CACNA2D3: variants seen among roughly 807,000 people sequenced by gnomAD.
CACNA2D3 encodes the protein calcium voltage-gated channel auxiliary subunit alpha2delta 3.
CACNA2D3 carries 60 observed loss-of-function variants against 160.6 expected under a neutral mutation model. The observed-to-expected ratio is 0.37, with a 90% CI of 0.30 to 0.46. CACNA2D3 has a LOEUF of 0.46. Among genes scored for constraint, CACNA2D3 ranks in the 20% least tolerant of loss-of-function variants. The probability of loss-of-function intolerance (pLI) is 1.00; values close to 1 mark genes in which losing one functional copy is unlikely to be tolerated. For missense variants in CACNA2D3, 1,205 were observed against 1,365.0 expected, an observed-to-expected ratio of 0.88 and a Z score of 1.85; for synonymous variants, 558 against 492.9, an observed-to-expected ratio of 1.13 and a Z score of -1.75.
intron 8 of CACNA2D3, among the ~76,000 whole-genome samples, chr3:54,573,381 A>C (rs1702530838): frequency 6.6e-6 from 1 of 152,244 alleles, no homozygotes; most frequent in African/African-American, 2.4e-5. Context: ...GTATGTAATA[A>C]TTTTAAGCAA....
At chr3:54,830,731 C>T (rs1703857339) in intron 14 of CACNA2D3, among the ~76,000 whole-genome samples, 4 of 152,108 alleles carry the variant, frequency 2.6e-5, no homozygotes, top group Admixed American at 2.6e-4. Flanking sequence ...GGCCACTTGG[C>T]CTCCCAAAGT....
chr3:54,739,749 ATATGTGTGTGTGTG>A (rs1183328062), intron 11 of CACNA2D3, among the ~76,000 whole-genome samples: 5 of 80,726 alleles, frequency 6.2e-5, no homozygotes, highest in Admixed American at 3.1e-4. Flanking sequence ...TTCTCCTCAT[ATATGTGTGTGTGTG>A]TGTGTGTGTG....
chr3:54,267,515 C>T (rs1216169089), intron 2 of CACNA2D3, among the ~76,000 whole-genome samples: 2 of 152,098 alleles, frequency 1.3e-5, no homozygotes, highest in Non-Finnish European at 2.9e-5. Context: ...TAGTAGATAC[C>T]CAGTACTTCA....
chr3:54,562,352 G>C (rs796988552), intron 5 of CACNA2D3, among the ~76,000 whole-genome samples: 2 of 152,164 alleles, frequency 1.3e-5, no homozygotes, highest in Non-Finnish European at 1.5e-5. Context: ...TCAGGGACAA[G>C]AGAAATGGAA....
intron 2 of CACNA2D3, among the ~76,000 whole-genome samples, chr3:54,285,617 T>A (rs1166987863): frequency 6.6e-6 from 1 of 152,162 alleles, no homozygotes; most frequent in Non-Finnish European, 1.5e-5. Flanking sequence ...GATCTGAGAA[T>A]GGACAGACTG....
chr3:54,478,835 A>G (rs1700885903), intron 4 of CACNA2D3, among the ~76,000 whole-genome samples: 1 of 150,392 alleles, frequency 6.6e-6, no homozygotes, highest in Admixed American at 6.6e-5. Context: ...ATGTTCAGAT[A>G]ACCCTTATTT....
intron 9 of CACNA2D3, among the ~76,000 whole-genome samples, chr3:54,602,133 T>C (rs1575374212): frequency 6.6e-6 from 1 of 152,178 alleles, no homozygotes; most frequent in Non-Finnish European, 1.5e-5. Flanking sequence ...ACTGGCTACA[T>C]AATTTTCAAG....
chr3:54,350,348 A>T (rs1022237980), intron 3 of CACNA2D3, among the ~76,000 whole-genome samples: 6 of 151,160 alleles, frequency 4.0e-5, no homozygotes, highest in Non-Finnish European at 7.4e-5. Flanking sequence ...TCACTTTTTC[A>T]TTTTTTTTTA....
intron 9 of CACNA2D3, among the ~76,000 whole-genome samples, chr3:54,615,836 T>C (rs2359857): frequency 0.28 from 41,905 of 151,872 alleles, 6,419 homozygotes; most frequent in African/African-American, 0.4. Context: ...AAGTAGCGGG[T>C]GAGTGAGCAA....
chr3:54,706,653 A>G (rs1165838095), intron 11 of CACNA2D3, among the ~76,000 whole-genome samples: 3 of 152,148 alleles, frequency 2.0e-5, no homozygotes, highest in Non-Finnish European at 2.9e-5. Flanking sequence ...TCTCTTCAAA[A>G]ATGATCTTGT....
intron 17 of CACNA2D3, among the ~76,000 whole-genome samples, chr3:54,846,775 A>C (rs1188885570): frequency 6.6e-6 from 1 of 152,236 alleles, no homozygotes; most frequent in African/African-American, 2.4e-5. Flanking sequence ...CATGAAACCT[A>C]TCATAACGGG....
chr3:54,350,243 T>C (rs1698529016), intron 3 of CACNA2D3, among the ~76,000 whole-genome samples: 1 of 152,250 alleles, frequency 6.6e-6, no homozygotes, highest in African/African-American at 2.4e-5. Context: ...TGCTGAGAAC[T>C]CCAAATGGGT....
chr3:54,739,454 C>CCACACA lies in CACNA2D3; in HGVS notation c.1168-13132_1168-13127dup, dbSNP rs371963374. ...AAAAAAAAAAAAACAAAAAAAAAAACCACACACACACACACACAAACAAAA... is the reference window on the plus strand; with the variant it reads ...AAAAAAAAAAAAACAAAAAAAAAAACCACACACACACACACACACACACAAACAAAA... On this transcript the variant is annotated intron_variant, in intron 11 of 37. Coordinates refer to ENST00000474759, the MANE Select transcript of CACNA2D3 (RefSeq NM_018398.3). 4.0e-3 allele frequency among the ~76,000 whole-genome samples: 544 copies of CCACACA among 137,470 alleles called. 3 individuals carry two copies. Among genetic ancestry groups the CCACACA allele is most frequent in the African/African-American group, 0.014 (523 of 36,890 alleles). 90.2% of individuals were successfully genotyped at this position (137,470 alleles called of 152,430 possible).
intron 2 of CACNA2D3, among the ~76,000 whole-genome samples, chr3:54,154,116 ACT>A (rs1700198502): frequency 6.6e-6 from 1 of 152,120 alleles, no homozygotes; most frequent in African/African-American, 2.4e-5. Context: ...GGACAAAATG[ACT>A]CTCTTTAGCT....
chr3:54,262,442 T>C (rs892777220), intron 2 of CACNA2D3, among the ~76,000 whole-genome samples: 2 of 152,180 alleles, frequency 1.3e-5, no homozygotes, highest in South Asian at 4.1e-4. Context: ...AGGCATTTAT[T>C]CCTCTGCATC....
At chr3:54,866,461 G>C (rs1246374126) in intron 17 of CACNA2D3, among the ~76,000 whole-genome samples, 1 of 152,088 alleles carries the variant, frequency 6.6e-6, no homozygotes, top group African/African-American at 2.4e-5. Flanking sequence ...GTCAGCCCTC[G>C]GTCACACCCC....
At chr3:54,574,328 A>G (rs1702548151) in intron 8 of CACNA2D3, among the ~76,000 whole-genome samples, 1 of 152,164 alleles carries the variant, frequency 6.6e-6, no homozygotes, top group South Asian at 2.1e-4. Context: ...ATAGTGGGAA[A>G]GACTTCCCTT....
chr3:54,626,694 A>AAAAAG (rs1406027799), intron 9 of CACNA2D3: 1 of 720,814 alleles, frequency 1.4e-6, no homozygotes, highest in African/African-American at 2.0e-5. Context: ...CAAAAAAAAA[A>AAAAAG]AAAAAAAAAA....
intron 4 of CACNA2D3, among the ~76,000 whole-genome samples, chr3:54,438,143 T>G (rs572307352): frequency 2.9e-4 from 44 of 152,296 alleles, no homozygotes; most frequent in Non-Finnish European, 5.1e-4. Flanking sequence ...TCCTTTATAA[T>G]TACTATAATG....
Sources: gnomAD v4.1 joint callset for allele counts (sites outside exome capture counted in the v4.1 genomes callset) on GRCh38, gnomAD v4.1.1 for gene constraint, MANE v1.5 for transcripts, NCBI Gene and HGNC (gene_info 2026-07-23, HGNC 2026-07-21) for gene names.